Variants in BRD4 observed in about 807,000 individuals in gnomAD.
The protein encoded by BRD4 is bromodomain-containing protein 4.
BRD4 carries 16 observed loss-of-function variants against 142.1 expected under a neutral mutation model. The observed-to-expected ratio is 0.11, with a 90% CI of 0.08 to 0.17. The LOEUF (loss-of-function observed/expected upper bound fraction) is 0.17, where lower values mean the gene tolerates loss of function less well. Among genes scored for constraint, BRD4 ranks in the 10% least tolerant of loss-of-function variants. The pLI, the probability that BRD4 is intolerant of heterozygous loss-of-function variation, is 1.00. For synonymous variants in BRD4, 833 were observed against 707.5 expected (o/e 1.18, Z -2.82); for missense variants, 1,424 against 1,810.9 (o/e 0.79, Z 3.88).
intron 7 of BRD4, 88 bp downstream of exon 7, chr19:15,263,332 A>C: frequency 1.3e-6 from 2 of 1,492,016 alleles, no homozygotes; most frequent in East Asian, 4.6e-5. Context: ...TGACAGAAAA[A>C]AAAACTCTGC....
intron 13 of BRD4, 63 bp from the exon 14 acceptor site, chr19:15,243,550 T>G (rs1198324998): frequency 6.8e-7 from 1 of 1,478,092 alleles, no homozygotes; most frequent in Non-Finnish European, 8.9e-7. Context: ...CTGGCCTTTC[T>G]GCTCCATCCT....
At position 15,243,220 on chromosome 19, in the gene BRD4, A is replaced by T; in HGVS notation, c.2849T>A (p.Val950Glu). Reference protein sequence around the residue: ...PPTPLLPSVKVQSQPPPPLPP... With the variant: ...PPTPLLPSVKEQSQPPPPLPP... ...CAGGGGGGGTGGGGGCTGGGACTGC[A>T]CCTTCACGGAAGGGAGTAGCGGCGT... The change falls in exon 14 of 20, where the codon GTG becomes GAG. Residue 950 changes from valine (V) to glutamate (E), a missense_variant. By Grantham distance (121) the Val-to-Glu change is moderately radical (BLOSUM62 -2). Coordinates refer to ENST00000679869, the MANE Select transcript of BRD4 (RefSeq NM_001379291.1). 1 of 1,331,872 alleles carries T rather than the reference A, an allele frequency of 7.5e-7. No individual in the cohort carries two copies. The allele number at this position is 1,331,872 out of a possible 1,614,324, so 82.5% of individuals were successfully genotyped here.
chr19:15,330,466 C>A (rs562523398), intron 1 of BRD4, among the ~76,000 whole-genome samples: 1 of 152,094 alleles, frequency 6.6e-6, no homozygotes, highest in South Asian at 2.1e-4. Flanking sequence ...GAAATAAATG[C>A]TTTATGAAAT....
rs1183324530 is a variant in BRD4 at position 15,297,758 on chromosome 19, A to C, written c.-34-24625T>G. ...CAGGCGTCCTCACTTCCTCTGTATG[A>C]AGCCAGCCTTCGTCACAGCAGATGA... is the stretch of plus-strand genomic sequence containing the variant. On this transcript the variant is annotated intron_variant, in intron 1 of 19. Transcript: ENST00000679869. Among the ~76,000 whole-genome samples, 4 of 152,166 alleles carry C rather than the reference A, an allele frequency of 2.6e-5. No individual in the cohort carries two copies. In the East Asian group the frequency reaches 7.7e-4, roughly 29 times the overall value.
At chr19:15,241,600 C>T (rs2047238328) in intron 14 of BRD4, among the ~76,000 whole-genome samples, 1 of 152,214 alleles carries the variant, frequency 6.6e-6, no homozygotes, top group Non-Finnish European at 1.5e-5. Flanking sequence ...CCTGCCTCAG[C>T]CCCGATAGGT....
intron 8 of BRD4, 106 bp from the exon 9 acceptor site, chr19:15,256,369 G>T (rs1264317690): frequency 4.3e-6 from 6 of 1,408,714 alleles, no homozygotes; most frequent in Non-Finnish European, 5.8e-6. Flanking sequence ...TGCACCTGGG[G>T]CATCAGGGTG....
At chr19:15,248,466 G>C (rs2047311719) in intron 11 of BRD4, 1 of 219,820 alleles carries the variant, frequency 4.5e-6, no homozygotes, top group Non-Finnish European at 9.1e-6. Flanking sequence ...ATAGGCCCAA[G>C]GCCCTTCACC....
At chr19:15,275,251 T>C (rs1337195865) in intron 1 of BRD4, among the ~76,000 whole-genome samples, 3 of 152,196 alleles carry the variant, frequency 2.0e-5, no homozygotes, top group Admixed American at 6.5e-5. Context: ...TTTTAAGCCA[T>C]TGCAAAAGCC....
In BRD4 at chr19:15,238,770, C is replaced by T; in HGVS notation, c.3993G>A (p.Arg1331=). 1.9e-6 allele frequency: 3 copies of T among 1,569,980 alleles called. No homozygotes were observed. The highest frequency in any genetic ancestry group is 2.6e-6 in the Non-Finnish European group (3 of 1,154,724). Residue 1331 remains arginine (R), a synonymous_variant, in exon 19 of 20, where the codon CGG becomes CGA. Coordinates refer to ENST00000679869, the MANE Select transcript of BRD4 (RefSeq NM_001379291.1). The surrounding 1 kb of genome is among the most constrained non-coding windows in gnomAD (Gnocchi z 7.2). ...LDQQRELARK[R]EQERRRREAM... ...CTTCCCGGCGTCTTCGCTCCTGCTC[C>T]CGCTTCCGGGCCAACTCCCTCTGCT... is the stretch of plus-strand genomic sequence containing the variant.
chr19:15,243,031 G>A lies in BRD4; in HGVS notation c.3038C>T (p.Pro1013Leu), dbSNP rs773823785. The part of the protein sequence containing the change: ...QFSTHIQQPP[P>L]PQGQQPPHPP... Reference sequence around the variant, plus strand: ...ATGGGGGGGCTGCTGGCCCTGGGGTGGCGGGGGCTGTTGGATGTGGGTGGA... The same window carrying A: ...ATGGGGGGGCTGCTGGCCCTGGGGTAGCGGGGGCTGTTGGATGTGGGTGGA... The change falls in exon 14 of 20, where the codon CCA becomes CTA. Residue 1013 changes from proline (P) to leucine (L), a missense_variant. Coordinates refer to ENST00000679869, the MANE Select transcript of BRD4 (RefSeq NM_001379291.1). 17 of 1,532,272 alleles carry A rather than the reference G, an allele frequency of 1.1e-5. 1 individual carries two copies. Among genetic ancestry groups the A allele is most frequent in the Admixed American group, 1.0e-4 (5 of 49,980 alleles). The allele number at this position is 1,532,272 out of a possible 1,614,324, so 94.9% of individuals were successfully genotyped here.
At chr19:15,311,501 T>C (rs865884508) in intron 1 of BRD4, among the ~76,000 whole-genome samples, 1 of 151,116 alleles carries the variant, frequency 6.6e-6, no homozygotes, top group Admixed American at 6.6e-5. Flanking sequence ...CTAAATACTG[T>C]CTGAATCGGC....
At chr19:15,259,102 G>A (rs1388151541) in intron 7 of BRD4, among the ~76,000 whole-genome samples, 1 of 141,980 alleles carries the variant, frequency 7.0e-6, no homozygotes, top group Non-Finnish European at 1.5e-5. Context: ...CGTGGCAGGT[G>A]GGTAGTGCCC....
intron 11 of BRD4, among the ~76,000 whole-genome samples, chr19:15,251,157 C>T (rs1261019083): frequency 6.6e-6 from 1 of 152,098 alleles, no homozygotes; most frequent in Non-Finnish European, 1.5e-5. Context: ...CCCACCCCCG[C>T]CATCCTCCTC....
At chr19:15,244,116 T>C in intron 13 of BRD4, 115 bp downstream of exon 13, 10 of 1,524,806 alleles carry the variant, frequency 6.6e-6, no homozygotes, top group Non-Finnish European at 7.9e-6. Context: ...ATCTTCCCTC[T>C]AGAGACCAGA....
At chr19:15,275,128 G>A (rs1244812877) in intron 1 of BRD4, among the ~76,000 whole-genome samples, 1 of 152,122 alleles carries the variant, frequency 6.6e-6, no homozygotes, top group Non-Finnish European at 1.5e-5. Flanking sequence ...CAAATTGCTG[G>A]GGTTACAGGC....
At position 15,314,440 on chromosome 19, in the gene BRD4, T is replaced by C. The variant is rs1316288866; in HGVS notation, c.-35+17850A>G. Among the ~76,000 whole-genome samples the C allele has an allele frequency of 2.6e-5, 4 of 152,126 alleles. No homozygotes were observed. In the East Asian group the frequency reaches 7.7e-4, roughly 29 times the overall value. On this transcript the variant is annotated intron_variant, in intron 1 of 19. Coordinates refer to ENST00000679869, the MANE Select transcript of BRD4 (RefSeq NM_001379291.1). ...ATTAAAGCAAATTCACTAATCTGTGTTCTTACTACACAGGGGCCTGGCTTT... is the reference window on the plus strand; with the variant it reads ...ATTAAAGCAAATTCACTAATCTGTGCTCTTACTACACAGGGGCCTGGCTTT...
At chr19:15,312,500 T>C (rs1277691475) in intron 1 of BRD4, among the ~76,000 whole-genome samples, 1 of 151,184 alleles carries the variant, frequency 6.6e-6, no homozygotes, top group East Asian at 1.9e-4. Flanking sequence ...GGCGTGGTGG[T>C]GTGCGCCTGT....
At chr19:15,282,019 AAAAC>A (rs71333365) in intron 1 of BRD4, among the ~76,000 whole-genome samples, 24,788 of 151,964 alleles carry the variant, frequency 0.16, 2,085 homozygotes, top group Middle Eastern at 0.2. Context: ...CTCCATCTCC[AAAAC>A]AAACAAACAA....
chr19:15,331,591 G>A (rs747978103), intron 1 of BRD4, among the ~76,000 whole-genome samples: 2 of 152,198 alleles, frequency 1.3e-5, no homozygotes, highest in East Asian at 1.9e-4. Flanking sequence ...CCTCAGACCG[G>A]CGTGCAGCCG....
Sources: gnomAD v4.1 joint callset for allele counts (sites outside exome capture counted in the v4.1 genomes callset) on GRCh38, gnomAD v4.1.1 for gene constraint, Gnocchi (gnomAD v3.1) non-coding constraint, MANE v1.5 for transcripts, NCBI Gene and HGNC (gene_info 2026-07-23, HGNC 2026-07-21) for gene names.